Variants in SPIRE1 observed in about 807,000 individuals in gnomAD.
SPIRE1 encodes the protein spire type actin nucleation factor 1.
Under a neutral mutation model 94.1 loss-of-function variants are expected in SPIRE1, and 40 were observed. The ratio of observed to expected loss-of-function variants is 0.43; its 90% CI spans 0.33 to 0.55. The LOEUF is 0.55. Ranked by LOEUF, SPIRE1 falls within the 20% of genes least tolerant of loss-of-function variation. SPIRE1 has a pLI of 0.06. For synonymous variants in SPIRE1, 376 were observed against 371.7 expected (o/e 1.01, Z -0.13); for missense variants, 838 against 975.2 (o/e 0.86, Z 1.87).
rs1598545156 is a variant in SPIRE1 at position 12,621,845 on chromosome 18, TA to T, written c.372+13216del. Among the ~76,000 whole-genome samples the T allele has an allele frequency of 2.0e-5, 3 of 152,286 alleles. No individual in the cohort carries two copies. In the East Asian group the frequency reaches 5.8e-4, roughly 29 times the overall value. ...CTTGCATGCTTTGTGAATTATATCC[TA>T]AAAAAATTATTTTTAAAAAAATTAG... On this transcript the variant is annotated intron_variant, in intron 2 of 16. Coordinates refer to ENST00000409402, the MANE Select transcript of SPIRE1 (RefSeq NM_001128626.2).
intron 10 of SPIRE1, among the ~76,000 whole-genome samples, chr18:12,466,028 G>A (rs969867302): frequency 2.6e-5 from 4 of 151,442 alleles, no homozygotes; most frequent in African/African-American, 9.7e-5. Flanking sequence ...CGGTTGTAGT[G>A]AGCTGAGATC....
At chr18:12,564,890 A>C (rs1450476968) in intron 2 of SPIRE1, among the ~76,000 whole-genome samples, 1 of 152,200 alleles carries the variant, frequency 6.6e-6, no homozygotes, top group East Asian at 1.9e-4. Context: ...AAAAACAAAA[A>C]CAAAAAACAA....
chr18:12,450,948 A>G (rs938986762), intron 16 of SPIRE1: 30 of 659,764 alleles, frequency 4.5e-5, no homozygotes, highest in East Asian at 3.5e-4. Flanking sequence ...TTTGATGGAG[A>G]AAAGGGTCCT....
chr18:12,523,293 T>C (rs996367747), intron 4 of SPIRE1, among the ~76,000 whole-genome samples: 2 of 152,226 alleles, frequency 1.3e-5, no homozygotes, highest in African/African-American at 4.8e-5. Context: ...CTTGAACTAA[T>C]GAGGAGTTGT....
intron 1 of SPIRE1, among the ~76,000 whole-genome samples, chr18:12,645,859 C>T (rs993885878): frequency 2.6e-5 from 4 of 152,126 alleles, no homozygotes; most frequent in African/African-American, 9.7e-5. Flanking sequence ...TCCCAGCCAA[C>T]GTGCCTTTCC....
At chr18:12,601,983 T>C (rs770239143) in intron 2 of SPIRE1, among the ~76,000 whole-genome samples, 9 of 152,114 alleles carry the variant, frequency 5.9e-5, no homozygotes, top group Non-Finnish European at 1.0e-4. Flanking sequence ...GAAGGCTATT[T>C]AGAAACAAAG....
In SPIRE1 at chr18:12,463,373, G is replaced by C; in HGVS notation, c.1616C>G (p.Ser539Cys). 6.2e-7 allele frequency: 1 copy of C among 1,613,566 alleles called. No individual in the cohort carries two copies. The highest frequency in any genetic ancestry group is 8.5e-7 in the Non-Finnish European group (1 of 1,179,738). The change falls in exon 12 of 17, where the codon TCC becomes TGC. Residue 539 changes from serine (S) to cysteine (C), a missense_variant. Coordinates refer to ENST00000409402, the MANE Select transcript of SPIRE1 (RefSeq NM_001128626.2). The stretch of plus-strand genomic sequence containing the variant: ...TACAAGAGAGCGGGAACTCTGCCTG[G>C]AAGGCGGCAGGAACTGCCTCACGTT... Reference protein sequence around the residue: ...PTNVRQFLPPSRQSSRSLEEF... With the variant: ...PTNVRQFLPPCRQSSRSLEEF...
chr18:12,654,768 G>C (rs997119746), intron 1 of SPIRE1, among the ~76,000 whole-genome samples: 3 of 151,916 alleles, frequency 2.0e-5, no homozygotes, highest in Non-Finnish European at 4.4e-5. Flanking sequence ...AGTGGCTCAC[G>C]CCTGCAATCC....
At chr18:12,566,903 A>C (rs2035835217) in intron 2 of SPIRE1, among the ~76,000 whole-genome samples, 1 of 152,186 alleles carries the variant, frequency 6.6e-6, no homozygotes, top group Admixed American at 6.5e-5. Context: ...AGAATACGAC[A>C]GACCAATATC....
At chr18:12,467,932 A>G (rs762109210) in intron 10 of SPIRE1, among the ~76,000 whole-genome samples, 2 of 152,192 alleles carry the variant, frequency 1.3e-5, no homozygotes, top group Non-Finnish European at 2.9e-5. Flanking sequence ...CTGGGCAAGA[A>G]GAGTGAAACT....
At chr18:12,501,262 T>G (rs2033655095) in intron 6 of SPIRE1, among the ~76,000 whole-genome samples, 1 of 152,026 alleles carries the variant, frequency 6.6e-6, no homozygotes, top group Non-Finnish European at 1.5e-5. Flanking sequence ...ATATTTGTGG[T>G]TACCAGGGGA....
chr18:12,480,199 A>G (rs574942171), intron 9 of SPIRE1, among the ~76,000 whole-genome samples: 18 of 152,348 alleles, frequency 1.2e-4, no homozygotes, highest in Middle Eastern at 3.4e-3. Flanking sequence ...GCCTCTAAGG[A>G]TCCAGTGATG....
At chr18:12,589,430 G>C (rs1019953250) in intron 2 of SPIRE1, among the ~76,000 whole-genome samples, 1 of 152,164 alleles carries the variant, frequency 6.6e-6, no homozygotes, top group East Asian at 1.9e-4. Flanking sequence ...CACTCTGCCA[G>C]GGTGTCCGGT....
chr18:12,634,972 G>A, intron 2 of SPIRE1, 90 bp downstream of exon 2: 3 of 649,038 alleles, frequency 4.6e-6, no homozygotes, highest in Non-Finnish European at 5.3e-6. Flanking sequence ...AGAAGACCAA[G>A]AACCTATAGT....
rs139892928 is a variant in SPIRE1 at position 12,479,859 on chromosome 18, G to C, written c.1244C>G (p.Pro415Arg). 16 of 1,612,990 alleles carry C rather than the reference G, an allele frequency of 9.9e-6. No individual in the cohort carries two copies. Among genetic ancestry groups the C allele is most frequent in the Middle Eastern group, 1.7e-4 (1 of 6,050 alleles). ...CTCCACAAGATTCTTTGTAGATTCAGGGGTAGTCACATCTGGTAAAAAAGC... is the reference window on the plus strand; with the variant it reads ...CTCCACAAGATTCTTTGTAGATTCACGGGTAGTCACATCTGGTAAAAAAGC... Reference protein sequence around the residue: ...YSFDLSDVTTPESTKNLVESS... With the variant: ...YSFDLSDVTTRESTKNLVESS... Residue 415 changes from proline (P) to arginine (R), a missense_variant, in exon 10 of 17, where the codon CCT (proline) becomes CGT (arginine). Pro to Arg is a moderately radical substitution (Grantham distance 103, BLOSUM62 -2). Transcript: ENST00000409402.
rs561517907 is a variant in SPIRE1 at position 12,607,458 on chromosome 18, C to T, written c.372+27604G>A. Among the ~76,000 whole-genome samples the T allele has an allele frequency of 4.6e-5, 7 of 152,230 alleles. No individual in the cohort carries two copies. In the South Asian group the frequency reaches 1.5e-3, roughly 32 times the overall value. On this transcript the variant is annotated intron_variant, in intron 2 of 16. Coordinates refer to ENST00000409402, the MANE Select transcript of SPIRE1 (RefSeq NM_001128626.2). ...GAGCTTGGTTCTATGCCTCCCTTGCCCTTCAAGTACCCTTACAGTCATGGG... is the reference window on the plus strand; with the variant it reads ...GAGCTTGGTTCTATGCCTCCCTTGCTCTTCAAGTACCCTTACAGTCATGGG...
intron 2 of SPIRE1, among the ~76,000 whole-genome samples, chr18:12,610,189 G>C (rs939104868): frequency 6.6e-6 from 1 of 151,968 alleles, no homozygotes; most frequent in Admixed American, 6.6e-5. Context: ...CCGGTTTACT[G>C]TCACTCTTCT....
rs1419339551 is a variant in SPIRE1 at position 12,525,287 on chromosome 18, A to AAT, written c.729+10188_729+10189insAT. 1.0e-4 allele frequency among the ~76,000 whole-genome samples: 15 copies of AAT among 146,530 alleles called. No homozygotes were observed. In the East Asian group the frequency reaches 2.7e-3, roughly 27 times the overall value. On this transcript the variant is annotated intron_variant, in intron 4 of 16. Transcript: ENST00000409402. ...GTGAGACTCCGTCTCAAAAAAAAAAAAAAAAAAAAAATAATAATAATAATA... is the reference window on the plus strand; with the variant it reads ...GTGAGACTCCGTCTCAAAAAAAAAAAATAAAAAAAAAAATAATAATAATAATA...
chr18:12,559,744 A>G lies in SPIRE1; in HGVS notation c.373-12840T>C, dbSNP rs2035630022. Among the ~76,000 whole-genome samples, 1 of 152,232 alleles carries G rather than the reference A, an allele frequency of 6.6e-6. No individual in the cohort carries two copies. Among genetic ancestry groups the G allele is most frequent in the Non-Finnish European group, 1.5e-5 (1 of 68,044 alleles). On this transcript the variant is annotated intron_variant, in intron 2 of 16. Transcript: ENST00000409402. This position sits in a 1 kb window ranked among gnomAD's most constrained non-coding sequence, Gnocchi z 4.7. ...GCACAGGGAACCAAAGCAAAAATTG[A>G]CAAATGGGATCACATGAAGTTAAAT...
Sources: gnomAD v4.1 joint callset for allele counts (sites outside exome capture counted in the v4.1 genomes callset) on GRCh38, gnomAD v4.1.1 for gene constraint, Gnocchi (gnomAD v3.1) non-coding constraint, MANE v1.5 for transcripts, NCBI Gene and HGNC (gene_info 2026-07-23, HGNC 2026-07-21) for gene names.